Variants in CHD1L observed in about 807,000 individuals in gnomAD.
The protein encoded by CHD1L is ATP-dependent chromatin remodeler CHD1L.
Under a neutral mutation model 115.9 loss-of-function variants are expected in CHD1L, and 118 were observed. That is an observed-to-expected ratio of 1.02 (90% confidence interval 0.88 to 1.19). The LOEUF (loss-of-function observed/expected upper bound fraction) is 1.19. Ranked by LOEUF, CHD1L falls within the 50% of genes most tolerant of loss-of-function variation. The probability of loss-of-function intolerance (pLI) is 0.00; values close to 1 mark genes in which losing one functional copy is unlikely to be tolerated. For synonymous variants in CHD1L, 411 were observed against 387.1 expected, an observed-to-expected ratio of 1.06 and a Z score of -0.72; for missense variants, 1,179 against 1,065.3, an observed-to-expected ratio of 1.11 and a Z score of -1.49.
At chr1:147,204,948 A>G in the CHD1L span, 2 of 1,503,628 alleles carry the variant, frequency 1.3e-6, no homozygotes. Context: ...GCCTGCAGGA[A>G]GCCGTTCACG....
chr1:147,262,838 TATAG>T (rs1672446636), intron 6 of CHD1L, among the ~76,000 whole-genome samples: 1 of 151,912 alleles, frequency 6.6e-6, no homozygotes, highest in Non-Finnish European at 1.5e-5. Context: ...CAAATCAAAA[TATAG>T]AAAGACAAGA....
chr1:147,276,172 C>T lies in CHD1L; in HGVS notation c.1454C>T (p.Ser485Phe), dbSNP rs1370514785. The T allele has an allele frequency of 1.2e-6, 2 of 1,614,194 alleles. No homozygotes were observed. The highest frequency in any genetic ancestry group is 8.5e-7 in the Non-Finnish European group (1 of 1,180,032). The change falls in exon 14 of 23, where the codon TCC becomes TTC. Residue 485 changes from serine to phenylalanine, a missense_variant. Physicochemically the swap from Ser to Phe is radical, Grantham distance 155. Transcript: ENST00000369258. Reference protein sequence around the residue: ...VEEIVYRKAASKLQLTNMIIE... With the variant: ...VEEIVYRKAAFKLQLTNMIIE... Reference sequence around the variant, plus strand: ...GAAATAGTCTATAGGAAAGCAGCCTCCAAACTGCAGCTCACCAACATGATC... The same window carrying T: ...GAAATAGTCTATAGGAAAGCAGCCTTCAAACTGCAGCTCACCAACATGATC...
the CHD1L span, among the ~76,000 whole-genome samples, chr1:147,182,026 G>A: frequency 6.6e-6 from 1 of 152,186 alleles, no homozygotes; most frequent in South Asian, 2.1e-4. Context: ...TAGTTGAGAT[G>A]AGGCAGATTA....
chr1:147,235,989 T>C, the CHD1L span, among the ~76,000 whole-genome samples: 4 of 152,180 alleles, frequency 2.6e-5, no homozygotes, highest in African/African-American at 9.7e-5. Flanking sequence ...CTGGATCCCA[T>C]GCCAGCCAAG....
Position 147,260,073 on chromosome 1 carries a change from C to G in CHD1L, c.576+155C>G, listed in dbSNP as rs1032619007. 6 of 553,096 alleles carry G rather than the reference C, an allele frequency of 1.1e-5. No individual in the cohort carries two copies. In the African/African-American group the frequency reaches 1.1e-4, roughly 10 times the overall value. The allele number at this position is 553,096 out of a possible 1,614,324, so 34.3% of individuals were successfully genotyped here. ...CACACATGTACAGCTGTCCCCTGTC[C>G]CCACACTTGTACAGCTTCACCCATT... On this transcript the variant is annotated intron_variant, in intron 6 of 22. Coordinates refer to ENST00000369258, the MANE Select transcript of CHD1L (RefSeq NM_004284.6).
chr1:147,242,206 C>G (rs1319980445), upstream of CHD1L, among the ~76,000 whole-genome samples: 1 of 152,110 alleles, frequency 6.6e-6, no homozygotes, highest in African/African-American at 2.4e-5. Flanking sequence ...TTTTGGCCTA[C>G]AGGTCACAGG....
At chr1:147,226,583 G>A in the CHD1L span, among the ~76,000 whole-genome samples, 7 of 152,268 alleles carry the variant, frequency 4.6e-5, no homozygotes, top group East Asian at 1.9e-4. Flanking sequence ...GTTAGAACAA[G>A]GGCCCATCCA....
At chr1:147,182,806 G>A in the CHD1L span, among the ~76,000 whole-genome samples, 1 of 152,156 alleles carries the variant, frequency 6.6e-6, no homozygotes, top group Non-Finnish European at 1.5e-5. Flanking sequence ...CTTCTTTCTT[G>A]TACCAAGATC....
intron 21 of CHD1L, 105 bp downstream of exon 21, chr1:147,293,827 C>T (rs368429832): frequency 1.8e-5 from 16 of 877,634 alleles, no homozygotes; most frequent in Admixed American, 4.2e-5. Context: ...TTAATATGCA[C>T]GGTAAAGGCA....
chr1:147,218,383 G>A, the CHD1L span, among the ~76,000 whole-genome samples: 2 of 151,320 alleles, frequency 1.3e-5, no homozygotes, highest in East Asian at 3.9e-4. Flanking sequence ...CTACAGGCAC[G>A]CGCCACTATG....
chr1:147,204,827 AAGCTTGTATGTTTCTAT>A, the CHD1L span: 24 of 1,603,148 alleles, frequency 1.5e-5, no homozygotes, highest in Middle Eastern at 6.6e-4. Context: ...AGCTCCTTGC[AAGCTTGTATGTTTCTAT>A]ACACAGCCTC....
chr1:147,203,876 G>C, the CHD1L span: 7 of 1,580,556 alleles, frequency 4.4e-6, no homozygotes, highest in Non-Finnish European at 6.1e-6. Context: ...TCCAACTTCT[G>C]AGAGGTAAAC....
chr1:147,222,181 C>T, the CHD1L span, among the ~76,000 whole-genome samples: 1 of 152,116 alleles, frequency 6.6e-6, no homozygotes, highest in Admixed American at 6.5e-5. Flanking sequence ...AATAGCCTGG[C>T]CAACATGGTG....
chr1:147,243,736 G>A (rs1234872142), intron 1 of CHD1L, among the ~76,000 whole-genome samples: 3 of 152,130 alleles, frequency 2.0e-5, no homozygotes, highest in Non-Finnish European at 2.9e-5. Flanking sequence ...GAATGCTACT[G>A]GGAGCGTATT....
upstream of CHD1L, among the ~76,000 whole-genome samples, chr1:147,242,420 G>T (rs1304185157): frequency 1.3e-5 from 2 of 152,180 alleles, no homozygotes; most frequent in African/African-American, 2.4e-5. Context: ...CCTCCTTGAC[G>T]GGCAGTTCAG....
At chr1:147,285,540 A>G in intron 17 of CHD1L, 53 bp downstream of exon 17, 4 of 1,531,162 alleles carry the variant, frequency 2.6e-6, no homozygotes, top group Admixed American at 2.1e-5. Context: ...TCACTATTGT[A>G]TAGTGAGACC....
rs191682498 is a variant in CHD1L at position 147,271,489 on chromosome 1, T to C, written c.1159+484T>C. ...TATTACCTGGGAAGTCTGTTTAATA[T>C]GTAATAAGATTTGTGTGAGATGATG... On this transcript the variant is annotated intron_variant, in intron 11 of 22. Transcript: ENST00000369258. 1.8e-3 allele frequency among the ~76,000 whole-genome samples: 273 copies of C among 152,332 alleles called. 5 individuals are homozygous for C. The highest frequency in any genetic ancestry group is 0.015 in the Admixed American group (232 of 15,304).
In CHD1L at chr1:147,286,293, TA is replaced by T. The variant is rs1559881146; in HGVS notation, c.2019-2del. On this transcript the variant is annotated splice_region_variant and splice_polypyrimidine_tract_variant and intron_variant, in intron 17 of 22. Coordinates refer to ENST00000369258, the MANE Select transcript of CHD1L (RefSeq NM_004284.6). ...TAATTTCCTTTTGTCTCTGGCCTGCTAAAGGATGGCCTGGTGGGAATCCAAC... is the reference window on the plus strand; with the variant it reads ...TAATTTCCTTTTGTCTCTGGCCTGCTAAGGATGGCCTGGTGGGAATCCAAC... 1.2e-6 allele frequency: 2 copies of T among 1,613,552 alleles called. No individual in the cohort carries two copies. The highest frequency in any genetic ancestry group is 2.2e-5 in the East Asian group (1 of 44,854).
intron 16 of CHD1L, 108 bp from the exon 17 acceptor site, chr1:147,285,216 G>A (rs1266730952): frequency 3.9e-6 from 5 of 1,268,074 alleles, no homozygotes; most frequent in Non-Finnish European, 5.5e-6. Context: ...GAGATGCAGT[G>A]TTCTGTGGAA....
Sources: allele counts gnomAD v4.1 joint callset (sites outside exome capture counted in the v4.1 genomes callset), GRCh38; gene constraint gnomAD v4.1.1; transcripts MANE v1.5; gene names NCBI Gene and HGNC (gene_info 2026-07-23, HGNC 2026-07-21).